Variants in IGF1 observed in about 807,000 individuals in gnomAD.
IGF1 encodes the protein insulin like growth factor 1.
In IGF1, 4 loss-of-function variants were observed where a neutral mutation model predicts 13.8. That is an observed-to-expected ratio of 0.29 (90% CI 0.14 to 0.66). IGF1 has a LOEUF of 0.66. Among genes scored for constraint, IGF1 ranks in the 30% least tolerant of loss-of-function variants. The pLI is 0.78. For missense variants in IGF1, 124 were observed against 188.5 expected (o/e 0.66, Z 2.00); for synonymous variants, 76 against 72.6 (o/e 1.05, Z -0.23).
At chr12:102,448,769 G>A (rs540719191) in intron 2 of IGF1, among the ~76,000 whole-genome samples, 2 of 148,350 alleles carry the variant, frequency 1.3e-5, no homozygotes, top group Admixed American at 1.3e-4. Flanking sequence ...AAAAGAAGAC[G>A]TATATGCAGC....
At chr12:102,403,418 A>G (rs10745940) in intron 3 of IGF1, among the ~76,000 whole-genome samples, 101,426 of 151,570 alleles carry the variant, frequency 0.67, 34,216 homozygotes, top group Admixed American at 0.74. Flanking sequence ...TGGTGTTAAC[A>G]TTCACTCATC....
chr12:102,419,651 G>T lies in IGF1; in HGVS notation c.260C>A (p.Pro87His), dbSNP rs1340651349. ...GCACTCATCCACGATGCCTGTCTGAGGCGCCCTCCGACTGCTGGAGCCATA... is the reference window on the plus strand; with the variant it reads ...GCACTCATCCACGATGCCTGTCTGATGCGCCCTCCGACTGCTGGAGCCATA... Reference protein sequence around the residue: ...TGYGSSSRRAPQTGIVDECCF... With the variant: ...TGYGSSSRRAHQTGIVDECCF... The change falls in exon 3 of 4, where the codon CCT becomes CAT. Residue 87 changes from proline to histidine, a missense_variant. By Grantham distance (77) the Pro-to-His change is moderately conservative. Coordinates refer to ENST00000337514, the MANE Select transcript of IGF1 (RefSeq NM_000618.5). The T allele has an allele frequency of 3.1e-6, 5 of 1,613,234 alleles. No homozygotes were observed. Among genetic ancestry groups the T allele is most frequent in the Non-Finnish European group, 4.2e-6 (5 of 1,180,026 alleles).
intron 2 of IGF1, among the ~76,000 whole-genome samples, chr12:102,429,701 A>G (rs1055722994): frequency 6.6e-6 from 1 of 152,216 alleles, no homozygotes; most frequent in Non-Finnish European, 1.5e-5. Context: ...CAGCAAAGAA[A>G]AATATTCTCA....
intron 3 of IGF1, among the ~76,000 whole-genome samples, chr12:102,403,710 A>G (rs1159589232): frequency 2.3e-5 from 3 of 128,848 alleles, no homozygotes; most frequent in African/African-American, 6.1e-5. Flanking sequence ...GGCTCAGGTG[A>G]TCTGCCTGGC....
chr12:102,478,716 T>A lies in IGF1; in HGVS notation c.63+1603A>T, dbSNP rs142718901. 1,956 of 1,221,584 alleles carry A rather than the reference T, an allele frequency of 1.6e-3. 1 individual carries two copies. Among genetic ancestry groups the A allele is most frequent in the Admixed American group, 2.6e-3 (80 of 30,238 alleles). The allele number at this position is 1,221,584 out of a possible 1,614,324, so 75.7% of individuals were successfully genotyped here. ...CAATGAACAAATTGCACAGCTGGGA[T>A]TTAAGTCAATCTTTTCCCCCCAGTC... On this transcript the variant is annotated intron_variant, in intron 1 of 3. Coordinates refer to ENST00000337514, the MANE Select transcript of IGF1 (RefSeq NM_000618.5).
At chr12:102,441,930 T>TCTTCTTCTCCTTCTCCTTCTC (rs1877822296) in intron 2 of IGF1, among the ~76,000 whole-genome samples, 1 of 131,800 alleles carries the variant, frequency 7.6e-6, no homozygotes, top group Admixed American at 8.7e-5. Context: ...TTCTTCTTCT[T>TCTTCTTCTCCTTCTCCTTCTC]CTTCTTCTTC....
At chr12:102,463,860 T>C (rs1880108429) in intron 2 of IGF1, among the ~76,000 whole-genome samples, 1 of 152,242 alleles carries the variant, frequency 6.6e-6, no homozygotes, top group Non-Finnish European at 1.5e-5. Flanking sequence ...GCTCCAGCTT[T>C]TCCGACCAAC....
At chr12:102,439,655 A>T (rs1265719936) in intron 2 of IGF1, among the ~76,000 whole-genome samples, 1 of 151,810 alleles carries the variant, frequency 6.6e-6, no homozygotes, top group Non-Finnish European at 1.5e-5. Context: ...GTGGGAACTC[A>T]GATTTCATTC....
chr12:102,445,993 T>C (rs1342115630), intron 2 of IGF1, among the ~76,000 whole-genome samples: 1 of 152,190 alleles, frequency 6.6e-6, no homozygotes, highest in African/African-American at 2.4e-5. Context: ...GAGATAATCA[T>C]GTGGTTTTTG....
intron 2 of IGF1, among the ~76,000 whole-genome samples, chr12:102,426,900 C>A (rs1592762964): frequency 6.6e-6 from 1 of 152,196 alleles, no homozygotes; most frequent in East Asian, 1.9e-4. Context: ...TCCTCTTCTG[C>A]TACTGACAGC....
At chr12:102,477,535 A>ATT (rs371700453) in intron 1 of IGF1, among the ~76,000 whole-genome samples, 21,790 of 140,544 alleles carry the variant, frequency 0.16, 1,860 homozygotes, top group African/African-American at 0.22. Flanking sequence ...TCCAGTTCTC[A>ATT]TTTTTTTTTT....
At chr12:102,450,524 A>G (rs556920199) in intron 2 of IGF1, among the ~76,000 whole-genome samples, 1 of 152,294 alleles carries the variant, frequency 6.6e-6, no homozygotes, top group Admixed American at 6.5e-5. Flanking sequence ...AAAATGCTGC[A>G]TTTCCAGATT....
intron 3 of IGF1, 62 bp downstream of exon 3, chr12:102,419,447 C>T (rs777193202): frequency 2.0e-5 from 31 of 1,525,618 alleles, no homozygotes; most frequent in Non-Finnish European, 2.7e-5. Context: ...CTGCTTGGCC[C>T]ACCCACATGC....
intron 2 of IGF1, among the ~76,000 whole-genome samples, chr12:102,439,652 C>T (rs184133272): frequency 1.3e-5 from 2 of 149,638 alleles, no homozygotes; most frequent in East Asian, 3.9e-4. Flanking sequence ...AGAGTGGGAA[C>T]TCAGATTTCA....
At chr12:102,406,315 T>G (rs1286150143) in intron 3 of IGF1, among the ~76,000 whole-genome samples, 4 of 152,210 alleles carry the variant, frequency 2.6e-5, no homozygotes, top group African/African-American at 2.4e-5. Flanking sequence ...GGAGGCATGT[T>G]AGAAGCAGCC....
intron 2 of IGF1, among the ~76,000 whole-genome samples, chr12:102,470,019 G>A (rs1044619844): frequency 1.1e-4 from 16 of 152,196 alleles, no homozygotes; most frequent in Non-Finnish European, 1.5e-4. Context: ...TAATTGGGCC[G>A]TTCATATACC....
At chr12:102,435,303 C>G (rs1877131081) in intron 2 of IGF1, among the ~76,000 whole-genome samples, 2 of 152,328 alleles carry the variant, frequency 1.3e-5, no homozygotes, top group South Asian at 4.1e-4. Flanking sequence ...TGAGTGAACA[C>G]TTACCCAATA....
intron 2 of IGF1, among the ~76,000 whole-genome samples, chr12:102,458,737 A>AAAAAAAAAAC (rs1303895006): frequency 4.0e-4 from 59 of 147,086 alleles, no homozygotes; most frequent in African/African-American, 1.4e-3. Context: ...GACCAAAAAA[A>AAAAAAAAAAC]AAAAAAAAAA....
chr12:102,450,306 G>A (rs915369772), intron 2 of IGF1, among the ~76,000 whole-genome samples: 1 of 152,240 alleles, frequency 6.6e-6, no homozygotes, highest in Admixed American at 6.5e-5. Flanking sequence ...CAAAGAGTAA[G>A]AGAGTAGCAT....
Sources: allele counts gnomAD v4.1 joint callset (sites outside exome capture counted in the v4.1 genomes callset), GRCh38; gene constraint gnomAD v4.1.1; transcripts MANE v1.5; gene names NCBI Gene and HGNC (gene_info 2026-07-23, HGNC 2026-07-21).